SCPEP1: variants seen among roughly 807,000 people sequenced by gnomAD.
SCPEP1 encodes the protein serine carboxypeptidase 1.
In SCPEP1, 51 loss-of-function variants were observed where a neutral mutation model predicts 63.8. The observed-to-expected ratio is 0.80, with a 90% CI of 0.64 to 1.01. SCPEP1 has a LOEUF of 1.01. SCPEP1 is among the 50% of genes least tolerant of loss of function. The pLI is 0.00. For missense variants in SCPEP1, 499 were observed against 554.9 expected (o/e 0.90, Z 1.01); for synonymous variants, 204 against 207.8 (o/e 0.98, Z 0.16).
intron 5 of SCPEP1, among the ~76,000 whole-genome samples, chr17:56,990,012 G>C (rs1322970119): frequency 6.6e-6 from 1 of 152,054 alleles, no homozygotes; most frequent in Non-Finnish European, 1.5e-5. Context: ...AGGAGTTAGA[G>C]ACCAGCCTGG....
At chr17:56,988,447 A>G (rs1291575128) in intron 5 of SCPEP1, among the ~76,000 whole-genome samples, 157 bp downstream of exon 5, 1 of 152,236 alleles carries the variant, frequency 6.6e-6, no homozygotes, top group East Asian at 1.9e-4. Context: ...TTTTAAAAGA[A>G]GAATGAAGAT....
intron 9 of SCPEP1, 182 bp from the exon 10 acceptor site, chr17:56,998,203 C>G (rs375031027): frequency 1.2e-5 from 6 of 487,442 alleles, no homozygotes; most frequent in Non-Finnish European, 2.3e-5. Context: ...TCCAGCTACT[C>G]GGGAGGCTGA....
chr17:56,980,229 C>T (rs1911029502), intron 1 of SCPEP1, among the ~76,000 whole-genome samples: 1 of 152,164 alleles, frequency 6.6e-6, no homozygotes, highest in Admixed American at 6.5e-5. Context: ...ATTCTCCTAC[C>T]TCTGTCTCCT....
At chr17:56,981,257 A>G (rs374594866) in intron 2 of SCPEP1, 27 bp downstream of exon 2, 11 of 1,613,286 alleles carry the variant, frequency 6.8e-6, no homozygotes, top group Non-Finnish European at 9.3e-6. Context: ...GCCTGGCCTG[A>G]GGTCAAAGCC....
chr17:56,991,013 C>T, intron 5 of SCPEP1, 86 bp from the exon 6 acceptor site: 1 of 970,698 alleles, frequency 1.0e-6, no homozygotes, highest in Non-Finnish European at 1.7e-6. Context: ...CTCAAGCGAT[C>T]CTCCTGCCTA....
Position 56,985,482 on chromosome 17 carries a change from G to A in SCPEP1, c.315+15G>A. 1 of 1,601,540 alleles carries A rather than the reference G, an allele frequency of 6.2e-7. No individual in the cohort carries two copies. The highest frequency in any genetic ancestry group is 1.7e-5 in the Admixed American group (1 of 59,966). Reference sequence around the variant, plus strand: ...AAACCACCTGGGTACAGTGAGGACAGTCCTGAGCTAAACCTTGCCCCGTGG... The same window carrying A: ...AAACCACCTGGGTACAGTGAGGACAATCCTGAGCTAAACCTTGCCCCGTGG... On this transcript the variant is annotated intron_variant, in intron 3 of 12. Coordinates refer to ENST00000262288, the MANE Select transcript of SCPEP1 (RefSeq NM_021626.3).
intron 12 of SCPEP1, among the ~76,000 whole-genome samples, chr17:57,003,545 G>A (rs573754493): frequency 9.9e-5 from 15 of 152,274 alleles, no homozygotes; most frequent in South Asian, 2.1e-4. Flanking sequence ...TGTGGTTTGC[G>A]ATGGAGGGAA....
At chr17:56,980,268 C>T (rs763611327) in intron 1 of SCPEP1, among the ~76,000 whole-genome samples, 69 of 152,128 alleles carry the variant, frequency 4.5e-4, no homozygotes, top group Non-Finnish European at 6.5e-4. Flanking sequence ...GCATATGCCA[C>T]AATGCCCAGC....
intron 2 of SCPEP1, chr17:56,984,358 G>T (rs1911155226): frequency 6.6e-6 from 1 of 152,096 alleles, no homozygotes; most frequent in Non-Finnish European, 1.5e-5. Context: ...ACCTCAATTG[G>T]CCCCTGGATT....
chr17:57,005,251 C>G (rs1266137491), intron 12 of SCPEP1, among the ~76,000 whole-genome samples: 1 of 152,140 alleles, frequency 6.6e-6, no homozygotes, highest in Non-Finnish European at 1.5e-5. Flanking sequence ...CTCAGCCTGC[C>G]CTAGAGAGAA....
Position 56,995,447 on chromosome 17 carries a change from C to A in SCPEP1, c.658-60C>A. 1.9e-6 allele frequency: 3 copies of A among 1,576,606 alleles called. No individual in the cohort carries two copies. The South Asian group carries it at 3.5e-5, about 18-fold the overall frequency. ...TTCTCCTACCCCTCCCTAACTGCAG[C>A]AATACCAGATTGACGTTCCCAAGTA... On this transcript the variant is annotated intron_variant, in intron 7 of 12. Transcript: ENST00000262288.
At chr17:56,996,582 C>T (rs1010005917) in intron 8 of SCPEP1, among the ~76,000 whole-genome samples, 7 of 151,816 alleles carry the variant, frequency 4.6e-5, no homozygotes, top group African/African-American at 7.3e-5. Context: ...TGCAGTGGCC[C>T]GATCTCGGCT....
At chr17:56,984,476 C>CT (rs1279771267) in intron 2 of SCPEP1, 1 of 152,222 alleles carries the variant, frequency 6.6e-6, no homozygotes, top group Non-Finnish European at 1.5e-5. Flanking sequence ...CTCTTAGTTT[C>CT]TTTTTTCTCT....
In SCPEP1 at chr17:56,980,380, G is replaced by A. The variant is rs1459321810; in HGVS notation, c.77-702G>A. Among the ~76,000 whole-genome samples the A allele has an allele frequency of 2.6e-5, 4 of 152,158 alleles. No individual in the cohort carries two copies. The East Asian group carries it at 7.7e-4, about 29-fold the overall frequency. ...TCAGCCTGTCTTGGCCTTCCAAAGT[G>A]TTGGGATTACAGGAGTGAGCCACCA... On this transcript the variant is annotated intron_variant, in intron 1 of 12. Coordinates refer to ENST00000262288, the MANE Select transcript of SCPEP1 (RefSeq NM_021626.3).
intron 2 of SCPEP1, chr17:56,982,813 G>C (rs531872693): frequency 6.6e-6 from 1 of 152,144 alleles, no homozygotes; most frequent in South Asian, 2.1e-4. Context: ...AAGTGCTGAG[G>C]CTGAGGCTTC....
intron 10 of SCPEP1, 55 bp downstream of exon 10, chr17:56,998,553 T>A: frequency 7.3e-7 from 1 of 1,368,876 alleles, no homozygotes; most frequent in Non-Finnish European, 1.0e-6. Context: ...AGAAAAGAGG[T>A]GCAAATTCAG....
chr17:57,002,646 G>A (rs1911772981), intron 12 of SCPEP1, among the ~76,000 whole-genome samples: 2 of 152,174 alleles, frequency 1.3e-5, no homozygotes, highest in African/African-American at 4.8e-5. Context: ...GGTGGAGGCT[G>A]CAGTGAGCCG....
At chr17:56,978,650 A>G (rs1910985185) in intron 1 of SCPEP1, among the ~76,000 whole-genome samples, 1 of 152,152 alleles carries the variant, frequency 6.6e-6, no homozygotes, top group Admixed American at 6.5e-5. Flanking sequence ...TTTCATTGAG[A>G]TAAGGCCCTT....
chr17:57,002,879 A>AG (rs1272092931), intron 12 of SCPEP1, among the ~76,000 whole-genome samples: 3 of 151,390 alleles, frequency 2.0e-5, no homozygotes, highest in African/African-American at 7.3e-5. Flanking sequence ...TGTCTCAAAA[A>AG]AAAAAAAAAA....
Sources: allele counts gnomAD v4.1 joint callset (sites outside exome capture counted in the v4.1 genomes callset), GRCh38; gene constraint gnomAD v4.1.1; transcripts MANE v1.5; gene names NCBI Gene and HGNC (gene_info 2026-07-23, HGNC 2026-07-21).